THUMPD2: variants seen among roughly 807,000 people sequenced by gnomAD.
THUMPD2 encodes U6 snRNA (guanine-N(2))-methyltransferase THUMPD2.
Under a neutral mutation model 49.4 loss-of-function variants are expected in THUMPD2, and 56 were observed. The ratio of observed to expected loss-of-function variants is 1.13; its 90% CI spans 0.91 to 1.41. THUMPD2 has a LOEUF of 1.41. THUMPD2 is among the 40% of genes most tolerant of loss of function. The pLI, the probability that THUMPD2 is intolerant of heterozygous loss-of-function variation, is 0.00. For missense variants in THUMPD2, 709 were observed against 594.5 expected (o/e 1.19, Z -2.00); for synonymous variants, 237 against 205.2 (o/e 1.15, Z -1.32).
chr2:39,753,553 A>C (rs1675702310), intron 8 of THUMPD2, among the ~76,000 whole-genome samples: 1 of 152,152 alleles, frequency 6.6e-6, no homozygotes, highest in Non-Finnish European at 1.5e-5. Flanking sequence ...CTGAGGTACT[A>C]ACTTGACATC....
Position 39,761,351 on chromosome 2 carries a change from C to G in THUMPD2, c.871G>C (p.Ala291Pro). Residue 291 changes from alanine (A) to proline (P), a missense_variant, in exon 6 of 10, where the codon GCA (alanine) becomes CCA (proline). Ala to Pro is a conservative substitution (Grantham distance 27). Coordinates refer to ENST00000505747, the MANE Select transcript of THUMPD2 (RefSeq NM_025264.5). ...GLRSTIAWAMASLADIKAGAF... is the reference protein window; with the variant it reads ...GLRSTIAWAMPSLADIKAGAF... ...CTTACCTTAATGTCAGCCAGAGATGCCATTGCCCACGCTATTGTAGATCGC... is the reference window on the plus strand; with the variant it reads ...CTTACCTTAATGTCAGCCAGAGATGGCATTGCCCACGCTATTGTAGATCGC... 2 of 1,613,610 alleles carry G rather than the reference C, an allele frequency of 1.2e-6. No individual in the cohort carries two copies. Among genetic ancestry groups the G allele is most frequent in the Non-Finnish European group, 1.7e-6 (2 of 1,179,656 alleles).
chr2:39,758,832 T>C (rs574092327), intron 6 of THUMPD2, among the ~76,000 whole-genome samples: 10 of 143,658 alleles, frequency 7.0e-5, no homozygotes, highest in African/African-American at 2.3e-4. Flanking sequence ...TTAGAGTAAA[T>C]AGGCAGAATA....
chr2:39,750,100 T>C lies in THUMPD2; in HGVS notation c.1078+5195A>G, dbSNP rs1458392250. 2.0e-5 allele frequency among the ~76,000 whole-genome samples: 3 copies of C among 152,230 alleles called. No individual in the cohort carries two copies. The East Asian group carries it at 5.8e-4, about 29-fold the overall frequency. On this transcript the variant is annotated intron_variant, in intron 8 of 9. Coordinates refer to ENST00000505747, the MANE Select transcript of THUMPD2 (RefSeq NM_025264.5). Reference sequence around the variant, plus strand: ...TTTATTCTAGAATGATTTACATTCCTTTGGATATATGCACTGTAATGGAAT... The same window carrying C: ...TTTATTCTAGAATGATTTACATTCCCTTGGATATATGCACTGTAATGGAAT...
chr2:39,767,603 CAA>C (rs57906396), intron 4 of THUMPD2, among the ~76,000 whole-genome samples: 5 of 67,848 alleles, frequency 7.4e-5, no homozygotes, highest in Non-Finnish European at 1.0e-4. Flanking sequence ...GACTCCGTCT[CAA>C]AAAAAAAAAA....
In THUMPD2 at chr2:39,766,096, A is replaced by C; in HGVS notation, c.764T>G (p.Leu255Arg). 6.3e-7 allele frequency: 1 copy of C among 1,580,386 alleles called. No individual in the cohort carries two copies. Among genetic ancestry groups the C allele is most frequent in the Non-Finnish European group, 8.6e-7 (1 of 1,168,416 alleles). The change falls in exon 5 of 10, where the codon CTA (leucine) becomes CGA (arginine). Residue 255 changes from leucine to arginine, a missense_variant. Coordinates refer to ENST00000505747, the MANE Select transcript of THUMPD2 (RefSeq NM_025264.5). Reference sequence around the variant, plus strand: ...CCCCACCACAGAGTAAATGTCATTTAGATGTATAAAGATCTGAAAGAACAA... The same window carrying C: ...CCCCACCACAGAGTAAATGTCATTTCGATGTATAAAGATCTGAAAGAACAA... The part of the protein sequence containing the change: ...RNPQLEIFIH[L>R]NDIYSVVGIP...
chr2:39,742,288 A>G (rs892900198), intron 9 of THUMPD2, among the ~76,000 whole-genome samples: 2 of 152,182 alleles, frequency 1.3e-5, no homozygotes, highest in African/African-American at 4.8e-5. Flanking sequence ...CCAAATACAT[A>G]CACTTTAAAC....
In THUMPD2 at chr2:39,769,827, T is replaced by C. The variant is rs762265925; in HGVS notation, c.555A>G (p.Gln185=). Residue 185 remains glutamine (Q), a synonymous_variant, in exon 3 of 10, where the codon CAA becomes CAG. Transcript: ENST00000505747. ...RDFTTKSEKF[Q]EEEFQNDIEK... ...CTATGTCATTCTGAAATTCTTCTTC[T>C]TGAAACTTTTCGCTTTTAGTGGTAA... 16 of 1,611,504 alleles carry C rather than the reference T, an allele frequency of 9.9e-6. No homozygotes were observed. The South Asian group carries it at 1.8e-4, about 18-fold the overall frequency.
intron 8 of THUMPD2, among the ~76,000 whole-genome samples, chr2:39,745,039 C>T (rs1239016230): frequency 1.3e-5 from 2 of 152,100 alleles, no homozygotes; most frequent in African/African-American, 4.8e-5. Flanking sequence ...TTCTAAATTG[C>T]TTTATCTTAA....
Position 39,737,792 on chromosome 2 carries a change from C to T in THUMPD2, c.1188-733G>A, listed in dbSNP as rs143451984. Among the ~76,000 whole-genome samples the T allele has an allele frequency of 3.9e-3, 593 of 152,210 alleles. 10 individuals are homozygous for T. The highest frequency in any genetic ancestry group is 0.03 in the Admixed American group (455 of 15,280). On this transcript the variant is annotated intron_variant, in intron 9 of 9. Transcript: ENST00000505747. ...AGTGGGAATGAGCCAGGCAAAGCGA[C>T]GGCAAGCGGCTGCAGCAAGGGAGGG... is the stretch of plus-strand genomic sequence containing the variant.
Position 39,769,991 on chromosome 2 carries a change from TATC to T in THUMPD2, c.388_390del (p.Asp130del), listed in dbSNP as rs767534184. The T allele has an allele frequency of 4.4e-6, 7 of 1,576,766 alleles. No individual in the cohort carries two copies. The Admixed American group carries it at 1.4e-4, about 32-fold the overall frequency. On this transcript the variant is annotated inframe_deletion, in exon 3 of 10. Coordinates refer to ENST00000505747, the MANE Select transcript of THUMPD2 (RefSeq NM_025264.5). ...TCTCCCACTTTTCTTTTTAGTTGGT[TATC>T]ATCTCTCTGAGAAAGTTTTTCCTTT...
At chr2:39,750,198 C>G (rs1165153747) in intron 8 of THUMPD2, among the ~76,000 whole-genome samples, 1 of 152,210 alleles carries the variant, frequency 6.6e-6, no homozygotes, top group Non-Finnish European at 1.5e-5. Context: ...CGGTTGAAGT[C>G]ATTTACACTC....
At chr2:39,752,871 G>C (rs940979116) in intron 8 of THUMPD2, among the ~76,000 whole-genome samples, 2 of 152,092 alleles carry the variant, frequency 1.3e-5, no homozygotes, top group African/African-American at 4.8e-5. Context: ...TCCACTACCG[G>C]TTTGGTGTGA....
intron 8 of THUMPD2, among the ~76,000 whole-genome samples, chr2:39,747,772 G>A (rs1016795885): frequency 2.0e-5 from 3 of 151,994 alleles, no homozygotes; most frequent in Non-Finnish European, 4.4e-5. Context: ...AAATATTTCA[G>A]CCTTCCAGTT....
chr2:39,757,364 G>A (rs1398316294), intron 6 of THUMPD2: 3 of 1,300,972 alleles, frequency 2.3e-6, no homozygotes, highest in South Asian at 1.2e-5. Flanking sequence ...AGAGCCATAT[G>A]GTACCTAATG....
chr2:39,763,920 T>C (rs902564454), intron 5 of THUMPD2, among the ~76,000 whole-genome samples: 3 of 152,202 alleles, frequency 2.0e-5, no homozygotes, highest in Non-Finnish European at 4.4e-5. Flanking sequence ...CATGGCTTGT[T>C]TCTAATTTTC....
intron 8 of THUMPD2, among the ~76,000 whole-genome samples, chr2:39,752,753 T>C (rs1675582234): frequency 6.6e-6 from 1 of 152,196 alleles, no homozygotes; most frequent in African/African-American, 2.4e-5. Context: ...TTTATCTCAG[T>C]AGTAATGAAA....
chr2:39,770,315 C>T (rs917968), intron 2 of THUMPD2, among the ~76,000 whole-genome samples, 196 bp from the exon 3 acceptor site: 149,239 of 152,254 alleles, frequency 0.98, 73,218 homozygotes, highest in Middle Eastern at 1. Context: ...TTCATTCTTA[C>T]ATTGCATATA....
chr2:39,777,800 T>C (rs1429231753), intron 1 of THUMPD2, among the ~76,000 whole-genome samples: 2 of 152,222 alleles, frequency 1.3e-5, no homozygotes, highest in Non-Finnish European at 2.9e-5. Flanking sequence ...ATTTTCTTCC[T>C]GGTAATAAAG....
intron 8 of THUMPD2, 23 bp downstream of exon 8, chr2:39,755,272 G>A (rs1437061443): frequency 1.5e-6 from 2 of 1,364,954 alleles, no homozygotes; most frequent in East Asian, 2.6e-5. Flanking sequence ...TTTCTCAATT[G>A]TTTTGCATTT....
Sources: gnomAD v4.1 joint callset for allele counts (sites outside exome capture counted in the v4.1 genomes callset) on GRCh38, gnomAD v4.1.1 for gene constraint, MANE v1.5 for transcripts, NCBI Gene and HGNC (gene_info 2026-07-23, HGNC 2026-07-21) for gene names.